The following RAPGEF4 variants were observed in gnomAD, a reference collection of about 807,000 sequenced individuals.
RAPGEF4 encodes Rap guanine nucleotide exchange factor 4.
A neutral mutation model predicts 147.9 loss-of-function variants in RAPGEF4; 66 were observed. That is an observed-to-expected ratio of 0.45 (90% CI 0.37 to 0.55). The LOEUF is 0.55. RAPGEF4 is among the 20% of genes least tolerant of loss of function. The probability of loss-of-function intolerance (pLI) is 0.00; values close to 1 mark genes in which losing one functional copy is unlikely to be tolerated. For synonymous variants in RAPGEF4, 419 were observed against 442.7 expected (o/e 0.95, Z 0.67); for missense variants, 1,071 against 1,257.3 (o/e 0.85, Z 2.24).
intron 16 of RAPGEF4, among the ~76,000 whole-genome samples, chr2:173,000,616 C>T (rs1693799637): frequency 6.6e-6 from 1 of 152,208 alleles, no homozygotes; most frequent in Non-Finnish European, 1.5e-5. Context: ...CCCCTGCTTC[C>T]TTACCTACAA....
At chr2:172,767,822 A>G (rs572160983) in intron 1 of RAPGEF4, among the ~76,000 whole-genome samples, 1 of 152,122 alleles carries the variant, frequency 6.6e-6, no homozygotes, top group East Asian at 1.9e-4. Flanking sequence ...TCCAGAGTCT[A>G]TAGTGATTCA....
At chr2:172,957,559 T>A (rs946743338) in intron 6 of RAPGEF4, among the ~76,000 whole-genome samples, 1 of 152,228 alleles carries the variant, frequency 6.6e-6, no homozygotes, top group Non-Finnish European at 1.5e-5. Context: ...ATTGCCTAAC[T>A]GAATACAGTG....
At chr2:173,015,529 G>A (rs1289423540) in intron 18 of RAPGEF4, among the ~76,000 whole-genome samples, 4 of 152,208 alleles carry the variant, frequency 2.6e-5, no homozygotes, top group Non-Finnish European at 2.9e-5. Flanking sequence ...AAGATGGACC[G>A]AGAGCATCCC....
At chr2:173,037,800 C>T (rs1263237225) in intron 29 of RAPGEF4, among the ~76,000 whole-genome samples, 1 of 152,126 alleles carries the variant, frequency 6.6e-6, no homozygotes, top group South Asian at 2.1e-4. Context: ...CTCTGTGAGT[C>T]GGTTTCCCCA....
chr2:172,816,302 C>G (rs1288994218), intron 4 of RAPGEF4, among the ~76,000 whole-genome samples: 3 of 151,728 alleles, frequency 2.0e-5, no homozygotes, highest in Admixed American at 1.3e-4. Flanking sequence ...CTCTCTCTTA[C>G]TTTCCCCCTG....
chr2:172,882,416 T>C (rs1483873451), intron 4 of RAPGEF4, among the ~76,000 whole-genome samples: 1 of 152,202 alleles, frequency 6.6e-6, no homozygotes, highest in Non-Finnish European at 1.5e-5. Context: ...TTTAACTCTG[T>C]TGTTTAATGG....
At chr2:172,878,945 T>G (rs1005086372) in intron 4 of RAPGEF4, among the ~76,000 whole-genome samples, 2 of 152,194 alleles carry the variant, frequency 1.3e-5, no homozygotes, top group African/African-American at 2.4e-5. Context: ...CAAGTACTCT[T>G]GTACTCTGCA....
chr2:172,895,509 C>T (rs543485351), intron 4 of RAPGEF4, among the ~76,000 whole-genome samples: 1 of 152,264 alleles, frequency 6.6e-6, no homozygotes, highest in African/African-American at 2.4e-5. Context: ...CATGAACAAG[C>T]CCCCAAAAAG....
At chr2:173,039,180 A>G (rs1054657990) in intron 29 of RAPGEF4, among the ~76,000 whole-genome samples, 1 of 152,114 alleles carries the variant, frequency 6.6e-6, no homozygotes, top group Admixed American at 6.6e-5. Flanking sequence ...CAAGCAGGCC[A>G]GGTGTGGTGG....
At chr2:173,009,136 T>C (rs1032758453) in intron 17 of RAPGEF4, among the ~76,000 whole-genome samples, 2 of 152,242 alleles carry the variant, frequency 1.3e-5, no homozygotes, top group South Asian at 2.1e-4. Flanking sequence ...ATTTAAAAGA[T>C]GTACCAGATG....
chr2:172,912,371 A>C (rs1176408997), intron 4 of RAPGEF4, among the ~76,000 whole-genome samples: 1 of 152,156 alleles, frequency 6.6e-6, no homozygotes, highest in African/African-American at 2.4e-5. Flanking sequence ...GGTTACTGTG[A>C]TATAGCATCC....
chr2:172,961,288 A>G (rs994464794), intron 8 of RAPGEF4, 60 bp downstream of exon 8: 14 of 1,325,460 alleles, frequency 1.1e-5, no homozygotes, highest in Non-Finnish European at 1.4e-5. Context: ...TGAAAATGGA[A>G]CAAAAATGCT....
chr2:172,837,729 G>A (rs1002829996), intron 4 of RAPGEF4, among the ~76,000 whole-genome samples: 14 of 152,046 alleles, frequency 9.2e-5, no homozygotes, highest in Non-Finnish European at 2.1e-4. Context: ...CGCCTTGCCT[G>A]GCTAAATTTA....
intron 6 of RAPGEF4, among the ~76,000 whole-genome samples, chr2:172,934,371 G>A (rs915375681): frequency 5.3e-5 from 8 of 151,662 alleles, no homozygotes; most frequent in East Asian, 1.9e-4. Context: ...GGCTGGTCTC[G>A]AACTCCTGAC....
chr2:172,991,037 T>C (rs1484788296), intron 15 of RAPGEF4, 112 bp downstream of exon 15: 5 of 798,082 alleles, frequency 6.3e-6, no homozygotes, highest in Non-Finnish European at 8.2e-6. Context: ...GCAGTGTATG[T>C]GACTTTTTTC....
intron 4 of RAPGEF4, among the ~76,000 whole-genome samples, chr2:172,890,459 A>T (rs1322247993): frequency 6.6e-6 from 1 of 152,208 alleles, no homozygotes; most frequent in Non-Finnish European, 1.5e-5. Context: ...AAGAGTAATC[A>T]TTGGTTATTT....
At chr2:172,784,767 G>T (rs1320230274) in intron 1 of RAPGEF4, among the ~76,000 whole-genome samples, 4 of 151,866 alleles carry the variant, frequency 2.6e-5, no homozygotes, top group Admixed American at 6.6e-5. Flanking sequence ...ATAAATACAT[G>T]ATTTTAGCAT....
intron 6 of RAPGEF4, chr2:172,928,162 G>A (rs936390595): frequency 4.4e-6 from 2 of 454,118 alleles, no homozygotes; most frequent in Admixed American, 2.4e-5. Context: ...GTGACTTCAT[G>A]TTGAAGGTGC....
intron 1 of RAPGEF4, 108 bp from the exon 2 acceptor site, chr2:172,794,917 C>T: frequency 9.2e-7 from 1 of 1,090,326 alleles, no homozygotes; most frequent in Non-Finnish European, 1.3e-6. Context: ...GAAATATTCA[C>T]AAGTGGGATA....
Sources: gnomAD v4.1 joint callset for allele counts (sites outside exome capture counted in the v4.1 genomes callset) on GRCh38, gnomAD v4.1.1 for gene constraint, MANE v1.5 for transcripts, NCBI Gene and HGNC (gene_info 2026-07-23, HGNC 2026-07-21) for gene names.